Variants in BPTF observed in about 807,000 individuals in gnomAD.
BPTF encodes the protein nucleosome-remodeling factor subunit BPTF.
Under a neutral mutation model 292.5 loss-of-function variants are expected in BPTF, and 18 were observed. The observed-to-expected ratio is 0.06, with a 90% CI of 0.04 to 0.09. The LOEUF (loss-of-function observed/expected upper bound fraction) is 0.09, where lower values mean the gene tolerates loss of function less well. Among genes scored for constraint, BPTF ranks in the 10% least tolerant of loss-of-function variants. The probability of loss-of-function intolerance (pLI) is 1.00; values close to 1 mark genes in which losing one functional copy is unlikely to be tolerated. For synonymous variants in BPTF, 1,225 were observed against 1,251.9 expected, an observed-to-expected ratio of 0.98 and a Z score of 0.45; for missense variants, 2,726 against 3,498.7, an observed-to-expected ratio of 0.78 and a Z score of 5.57.
chr17:67,969,452 CAAA>C (rs11360473), intron 26 of BPTF, among the ~76,000 whole-genome samples: 15 of 47,974 alleles, frequency 3.1e-4, no homozygotes, highest in South Asian at 1.6e-3. Flanking sequence ...ACTCTGTCTC[CAAA>C]AAAAAAAAAA....
chr17:67,839,323 T>G (rs748981904), intron 1 of BPTF, among the ~76,000 whole-genome samples: 1 of 152,114 alleles, frequency 6.6e-6, no homozygotes, highest in Non-Finnish European at 1.5e-5. Context: ...TTTTTTTTCC[T>G]AAGTTTTTTT....
At chr17:67,853,825 G>C in intron 1 of BPTF, 115 bp from the exon 2 acceptor site, 3 of 780,652 alleles carry the variant, frequency 3.8e-6, no homozygotes, top group Non-Finnish European at 2.1e-6. Context: ...ATTTTAACTT[G>C]ACAATTATTA....
chr17:67,912,215 A>G lies in BPTF; in HGVS notation c.4331A>G (p.Asn1444Ser). 1 of 1,609,046 alleles carries G rather than the reference A, an allele frequency of 6.2e-7. No homozygotes were observed. Among genetic ancestry groups the G allele is most frequent in the Non-Finnish European group, 8.5e-7 (1 of 1,177,578 alleles). The change falls in exon 11 of 28, where the codon AAT becomes AGT. Residue 1444 changes from asparagine (N) to serine (S), a missense_variant. Coordinates refer to ENST00000306378, the MANE Select transcript of BPTF (RefSeq NM_182641.4). ...GTTGAACCAAAGGTTAATAATATAA[A>G]TAAAATAATCCCTGAGAATGATATT... ...GNVEPKVNNI[N>S]KIIPENDIKS... is the part of the protein sequence containing the mutation.
intron 1 of BPTF, among the ~76,000 whole-genome samples, chr17:67,830,205 A>G (rs1160517773): frequency 1.3e-5 from 2 of 152,268 alleles, no homozygotes; most frequent in Non-Finnish European, 2.9e-5. Flanking sequence ...TTAAGAAATT[A>G]TATTTAAAAC....
intron 1 of BPTF, among the ~76,000 whole-genome samples, chr17:67,827,082 C>A (rs1265851330): frequency 6.6e-6 from 1 of 152,134 alleles, no homozygotes. Context: ...TTGGTTAAAT[C>A]AAAAATAAAA....
intron 2 of BPTF, among the ~76,000 whole-genome samples, chr17:67,863,435 C>T (rs1244577674): frequency 6.6e-6 from 1 of 152,166 alleles, no homozygotes; most frequent in Non-Finnish European, 1.5e-5. Context: ...CAGGCACATG[C>T]CACCATTCCT....
At position 67,945,744 on chromosome 17, in the gene BPTF, C is replaced by G; in HGVS notation, c.7036C>G (p.Pro2346Ala). The G allele has an allele frequency of 6.2e-7, 1 of 1,614,190 alleles. No homozygotes were observed. Among genetic ancestry groups the G allele is most frequent in the African/African-American group, 1.3e-5 (1 of 75,042 alleles). The stretch of plus-strand genomic sequence containing the variant: ...ACAGTCTCCTGTTCGTGTCCAAAGT[C>G]CATCACAGACTCGAATACGTCCATC... ...QGQSPVRVQS[P>A]SQTRIRPSTP... Residue 2346 changes from proline (P) to alanine (A), a missense_variant, in exon 21 of 28, where the codon CCA (proline) becomes GCA (alanine). Physicochemically the swap from Pro to Ala is conservative, Grantham distance 27 (BLOSUM62 -1). This residue lies in a region of BPTF where 570 missense variants were observed against 633.5 expected (regional missense o/e 0.90). Transcript: ENST00000306378.
In BPTF at chr17:67,982,772, AATC is replaced by A. The variant is rs1450738352; in HGVS notation, c.*488_*490del. ...ATAAAATCCAGCCCCGGTTACATATAATCATCTGTATCTTATCATGATTCCTGT... is the reference window on the plus strand; with the variant it reads ...ATAAAATCCAGCCCCGGTTACATATAATCTGTATCTTATCATGATTCCTGT... On this transcript the variant is annotated 3_prime_UTR_variant, in exon 28 of 28. Coordinates refer to ENST00000306378, the MANE Select transcript of BPTF (RefSeq NM_182641.4). 63 of 153,602 alleles carry A rather than the reference AATC, an allele frequency of 4.1e-4. No individual in the cohort carries two copies. Among genetic ancestry groups the A allele is most frequent in the East Asian group, 2.7e-3 (14 of 5,208 alleles). 9.5% of individuals were successfully genotyped at this position (153,602 alleles called of 1,614,324 possible).
chr17:67,944,097 T>C (rs1473472963), intron 19 of BPTF, 53 bp from the exon 20 acceptor site: 1 of 1,281,044 alleles, frequency 7.8e-7, no homozygotes, highest in African/African-American at 1.5e-5. Context: ...AAAAATGATA[T>C]ACATACAGAT....
intron 14 of BPTF, among the ~76,000 whole-genome samples, chr17:67,923,702 A>G (rs1172345899): frequency 1.3e-5 from 2 of 148,240 alleles, no homozygotes; most frequent in Non-Finnish European, 1.5e-5. Context: ...CTGGTCTCGA[A>G]CTCCTGACCT....
Position 67,893,524 on chromosome 17 carries a change from A to G in BPTF, c.2210A>G (p.Asn737Ser). ...TACTCCACCAATTCATTTGCTTTGA[A>G]TAAGCACCAGCACAGAGAAGACCAT... ...NQYSTNSFALNKHQHREDHDK... is the reference protein window; with the variant it reads ...NQYSTNSFALSKHQHREDHDK... The change falls in exon 6 of 28, where the codon AAT becomes AGT. Residue 737 changes from asparagine (N) to serine (S), a missense_variant. Physicochemically the swap from Asn to Ser is conservative, Grantham distance 46 (BLOSUM62 1). Transcript: ENST00000306378. The G allele has an allele frequency of 6.2e-7, 1 of 1,614,168 alleles. No individual in the cohort carries two copies. Among genetic ancestry groups the G allele is most frequent in the East Asian group, 2.2e-5 (1 of 44,884 alleles).
At chr17:67,882,765 G>C (rs1370332007) in intron 4 of BPTF, among the ~76,000 whole-genome samples, 2 of 152,060 alleles carry the variant, frequency 1.3e-5, no homozygotes, top group Non-Finnish European at 2.9e-5. Flanking sequence ...CCAGCACTTT[G>C]GGAGGCCAAG....
intron 18 of BPTF, among the ~76,000 whole-genome samples, chr17:67,932,494 C>T (rs2064488159): frequency 6.6e-6 from 1 of 152,178 alleles, no homozygotes; most frequent in Non-Finnish European, 1.5e-5. Context: ...CCCAGGAGTT[C>T]AAGACCAGCC....
intron 23 of BPTF, among the ~76,000 whole-genome samples, chr17:67,954,804 G>C (rs1319750754): frequency 1.3e-5 from 2 of 152,116 alleles, no homozygotes; most frequent in Admixed American, 6.6e-5. Context: ...ATATGAACTA[G>C]GAGATGAAAC....
intron 23 of BPTF, among the ~76,000 whole-genome samples, chr17:67,948,928 C>T (rs1555676963): frequency 1.3e-5 from 2 of 152,200 alleles, no homozygotes; most frequent in Admixed American, 1.3e-4. Context: ...CTGCAGTCAG[C>T]CCTGATGGCA....
intron 4 of BPTF, among the ~76,000 whole-genome samples, chr17:67,878,823 C>T (rs2060204179): frequency 6.6e-6 from 1 of 151,758 alleles, no homozygotes; most frequent in Non-Finnish European, 1.5e-5. Context: ...GGTTCTTCCA[C>T]TTTACCTTGA....
chr17:67,869,607 T>C (rs913285089), intron 3 of BPTF, among the ~76,000 whole-genome samples: 3 of 152,026 alleles, frequency 2.0e-5, no homozygotes, highest in African/African-American at 7.2e-5. Flanking sequence ...TTGTAGTTGG[T>C]TTCCTTCTCA....
At chr17:67,979,242 G>T (rs575330632) in intron 27 of BPTF, among the ~76,000 whole-genome samples, 1 of 146,118 alleles carries the variant, frequency 6.8e-6, no homozygotes, top group Non-Finnish European at 1.5e-5. Flanking sequence ...TTACATTTTC[G>T]TAGTAACGTA....
chr17:67,880,099 A>G (rs1168945044), intron 4 of BPTF, among the ~76,000 whole-genome samples: 2 of 152,188 alleles, frequency 1.3e-5, no homozygotes, highest in Non-Finnish European at 2.9e-5. Context: ...TTATTAGCAT[A>G]ATAACATCGT....
Sources: gnomAD v4.1 joint callset for allele counts (sites outside exome capture counted in the v4.1 genomes callset) on GRCh38, gnomAD v4.1.1 for gene constraint, gnomAD v4.1.1 regional missense constraint, MANE v1.5 for transcripts, NCBI Gene and HGNC (gene_info 2026-07-23, HGNC 2026-07-21) for gene names.